DCC: variants seen among roughly 807,000 people sequenced by gnomAD.
DCC encodes DCC netrin 1 receptor.
In DCC, 58 loss-of-function variants were observed where a neutral mutation model predicts 172.5. That is an observed-to-expected ratio of 0.34 (90% CI 0.27 to 0.42). The LOEUF is 0.42. Among genes scored for constraint, DCC ranks in the 10% least tolerant of loss-of-function variants. The pLI is 1.00. For missense variants in DCC, 1,740 were observed against 1,791.0 expected (o/e 0.97, Z 0.51); for synonymous variants, 709 against 644.5 (o/e 1.10, Z -1.52).
intron 2 of DCC, among the ~76,000 whole-genome samples, chr18:52,794,387 T>C (rs973182586): frequency 1.3e-5 from 2 of 152,118 alleles, no homozygotes; most frequent in Non-Finnish European, 2.9e-5. Context: ...TTAAATTTAT[T>C]ACTAGGTGGT....
chr18:52,824,537 CA>C (rs748515950), intron 2 of DCC, among the ~76,000 whole-genome samples: 246 of 149,702 alleles, frequency 1.6e-3, no homozygotes, highest in African/African-American at 4.5e-3. Flanking sequence ...TCATTAATTT[CA>C]AAAAAAAATT....
intron 21 of DCC, among the ~76,000 whole-genome samples, chr18:53,429,813 A>G (rs191168904): frequency 3.2e-4 from 49 of 152,232 alleles, no homozygotes; most frequent in Non-Finnish European, 6.2e-4. Context: ...ATTTTCTTTC[A>G]ATCAGTGAAC....
intron 1 of DCC, among the ~76,000 whole-genome samples, chr18:52,616,313 G>A (rs555575895): frequency 5.9e-5 from 9 of 151,946 alleles, no homozygotes; most frequent in African/African-American, 2.2e-4. Context: ...TGAGATCTCC[G>A]TTTTGGTTAG....
At chr18:52,541,897 G>A (rs897192) in intron 1 of DCC, among the ~76,000 whole-genome samples, 9,973 of 42,862 alleles carry the variant, frequency 0.23, 892 homozygotes, top group East Asian at 0.58. Context: ...ATATATATAT[G>A]TGTATATATA....
At chr18:53,159,959 T>G (rs990008376) in intron 8 of DCC, among the ~76,000 whole-genome samples, 1 of 152,032 alleles carries the variant, frequency 6.6e-6, no homozygotes, top group Admixed American at 6.6e-5. Flanking sequence ...TAGTGTGAGC[T>G]CAGAGACAAT....
chr18:53,428,084 AATAATAT>A (rs1250739083), intron 21 of DCC, among the ~76,000 whole-genome samples: 4 of 15,634 alleles, frequency 2.6e-4, no homozygotes, highest in African/African-American at 6.7e-4. Flanking sequence ...AATATATTAT[AATAATAT>A]ATAATATATA....
intron 12 of DCC, among the ~76,000 whole-genome samples, chr18:53,256,376 A>C (rs1203145618): frequency 2.6e-5 from 4 of 152,016 alleles, no homozygotes; most frequent in Non-Finnish European, 5.9e-5. Context: ...ATCCATCTTG[A>C]ATTAATTTTT....
chr18:53,435,587 T>C (rs1911888973), intron 22 of DCC, among the ~76,000 whole-genome samples: 1 of 152,112 alleles, frequency 6.6e-6, no homozygotes, highest in African/African-American at 2.4e-5. Flanking sequence ...ATATCTAAGG[T>C]TGGTTAAATT....
chr18:52,730,850 G>C (rs907090267), intron 1 of DCC, among the ~76,000 whole-genome samples: 5 of 152,112 alleles, frequency 3.3e-5, no homozygotes, highest in African/African-American at 1.2e-4. Flanking sequence ...ATCAGATAAC[G>C]CAATAATGCA....
chr18:52,889,692 A>G (rs2039620912), intron 2 of DCC, among the ~76,000 whole-genome samples: 1 of 152,138 alleles, frequency 6.6e-6, no homozygotes, highest in Non-Finnish European at 1.5e-5. Flanking sequence ...TTCAAAGAGA[A>G]TCCAACCCTT....
intron 7 of DCC, among the ~76,000 whole-genome samples, chr18:53,104,257 C>A (rs908029855): frequency 1.3e-5 from 2 of 151,946 alleles, no homozygotes; most frequent in Non-Finnish European, 2.9e-5. Flanking sequence ...GCGTCCCCAC[C>A]CAAATCTTGT....
chr18:52,965,031 G>A (rs948044502), intron 5 of DCC: 7 of 151,894 alleles, frequency 4.6e-5, no homozygotes, highest in African/African-American at 1.7e-4. Flanking sequence ...CTCTTTTGAG[G>A]ATCCTTGTGT....
intron 1 of DCC, among the ~76,000 whole-genome samples, chr18:52,514,849 C>T (rs2031572023): frequency 6.6e-6 from 1 of 152,038 alleles, no homozygotes; most frequent in Admixed American, 6.6e-5. Flanking sequence ...TGACATTGTA[C>T]CCTATCAGTA....
intron 27 of DCC, among the ~76,000 whole-genome samples, chr18:53,522,420 T>A (rs976289145): frequency 6.6e-6 from 1 of 152,068 alleles, no homozygotes. Flanking sequence ...AAAAACTACT[T>A]TGAATTTCAT....
chr18:52,382,982 T>C (rs1335729856), intron 1 of DCC, among the ~76,000 whole-genome samples: 1 of 152,130 alleles, frequency 6.6e-6, no homozygotes, highest in Admixed American at 6.6e-5. Flanking sequence ...ATTTAGATTA[T>C]TCCCTAGTAT....
chr18:53,369,973 A>T (rs1007329163), intron 15 of DCC, among the ~76,000 whole-genome samples: 22 of 151,854 alleles, frequency 1.4e-4, no homozygotes, highest in African/African-American at 5.3e-4. Flanking sequence ...CTGGCCTCAT[A>T]GAATGAGTTA....
In DCC at chr18:53,517,912, T is replaced by C. The variant is rs141353959; in HGVS notation, c.4112-8705T>C. Among the ~76,000 whole-genome samples the C allele has an allele frequency of 2.5e-3, 380 of 152,276 alleles. 1 individual carries two copies. Among genetic ancestry groups the C allele is most frequent in the South Asian group, 3.7e-3 (18 of 4,814 alleles). On this transcript the variant is annotated intron_variant, in intron 27 of 28. Transcript: ENST00000442544. ...GATGCCTGAGGCTATTGTGTCTGAGTAAATGCGGCTACTCTCTTTTTGTTC... is the reference window on the plus strand; with the variant it reads ...GATGCCTGAGGCTATTGTGTCTGAGCAAATGCGGCTACTCTCTTTTTGTTC...
Position 53,427,909 on chromosome 18 carries a change from TATA to T in DCC, c.3164-7228_3164-7226del, listed in dbSNP as rs374021884. The stretch of plus-strand genomic sequence containing the variant: ...ATAATATAATAAATTATATATAATA[TATA>T]ATAATATAATATATAATATAATATA... On this transcript the variant is annotated intron_variant, in intron 21 of 28. Coordinates refer to ENST00000442544, the MANE Select transcript of DCC (RefSeq NM_005215.4). 1.2e-3 allele frequency among the ~76,000 whole-genome samples: 70 copies of T among 57,566 alleles called. 3 individuals carry two copies. Among genetic ancestry groups the T allele is most frequent in the East Asian group, 3.4e-3 (8 of 2,366 alleles). The allele number at this position is 57,566 out of a possible 152,430, so 37.8% of individuals were successfully genotyped here. A position where few individuals can be genotyped will look rare whatever the true frequency, so the allele number is the denominator to read the frequency against.
intron 7 of DCC, among the ~76,000 whole-genome samples, chr18:53,154,183 A>T (rs2054690989): frequency 6.6e-6 from 1 of 152,174 alleles, no homozygotes; most frequent in African/African-American, 2.4e-5. Flanking sequence ...ACTCTGAGGC[A>T]TGTCCTGTAC....
Sources: gnomAD v4.1 joint callset for allele counts (sites outside exome capture counted in the v4.1 genomes callset) on GRCh38, gnomAD v4.1.1 for gene constraint, MANE v1.5 for transcripts, NCBI Gene and HGNC (gene_info 2026-07-23, HGNC 2026-07-21) for gene names.